The following ARHGAP24 variants were observed in gnomAD, a reference collection of about 807,000 sequenced individuals.
The protein encoded by ARHGAP24 is rho GTPase-activating protein 24.
In ARHGAP24, 50 loss-of-function variants were observed where a neutral mutation model predicts 76.4. That is an observed-to-expected ratio of 0.65 (90% CI 0.52 to 0.83). The LOEUF is 0.83. Among genes scored for constraint, ARHGAP24 ranks in the 40% least tolerant of loss-of-function variants. The pLI, the probability that ARHGAP24 is intolerant of heterozygous loss-of-function variation, is 0.00. For missense variants in ARHGAP24, 930 were observed against 914.2 expected, an observed-to-expected ratio of 1.02 and a Z score of -0.22; for synonymous variants, 345 against 323.3, an observed-to-expected ratio of 1.07 and a Z score of -0.72.
At chr4:85,839,623 G>T (rs907467204) in intron 3 of ARHGAP24, among the ~76,000 whole-genome samples, 6 of 150,458 alleles carry the variant, frequency 4.0e-5, no homozygotes, top group Admixed American at 3.3e-4. Flanking sequence ...GCCAGTTTTT[G>T]TATTTTTAGT....
At chr4:85,827,519 TA>T (rs2110131089) in intron 3 of ARHGAP24, among the ~76,000 whole-genome samples, 1 of 124,838 alleles carries the variant, frequency 8.0e-6, no homozygotes, top group East Asian at 2.3e-4. Context: ...TGTGTGTGTT[TA>T]GAGAGAGAGA....
At chr4:85,584,264 A>T (rs1344927031) in intron 2 of ARHGAP24, among the ~76,000 whole-genome samples, 1 of 152,206 alleles carries the variant, frequency 6.6e-6, no homozygotes, top group Non-Finnish European at 1.5e-5. Context: ...TGCAGCCACA[A>T]AAAATGATGA....
chr4:85,771,345 A>C (rs1392810686), intron 3 of ARHGAP24, among the ~76,000 whole-genome samples: 1 of 152,260 alleles, frequency 6.6e-6, no homozygotes, highest in Non-Finnish European at 1.5e-5. Context: ...TGAGGGCCTG[A>C]GAACCAGTTG....
intron 4 of ARHGAP24, 59 bp from the exon 5 acceptor site, chr4:85,942,007 C>T: frequency 3.9e-6 from 6 of 1,539,748 alleles, no homozygotes; most frequent in Non-Finnish European, 5.3e-6. Context: ...AAAACAACAA[C>T]AACAACAAAG....
chr4:85,552,487 T>C (rs929170275), intron 1 of ARHGAP24, among the ~76,000 whole-genome samples: 5 of 152,206 alleles, frequency 3.3e-5, no homozygotes, highest in African/African-American at 9.6e-5. Context: ...GAGAAGAATG[T>C]ATATTCTGTT....
chr4:85,839,838 GTTTTCT>G (rs1390182301), intron 3 of ARHGAP24, among the ~76,000 whole-genome samples: 2,185 of 78,688 alleles, frequency 0.028, 48 homozygotes, highest in African/African-American at 0.081. Context: ...TCTTTTTTCT[GTTTTCT>G]TTTTTTTTTT....
chr4:85,653,443 C>T (rs1722020415), intron 2 of ARHGAP24, among the ~76,000 whole-genome samples: 1 of 151,664 alleles, frequency 6.6e-6, no homozygotes, highest in Admixed American at 6.6e-5. Context: ...ATATCATTTA[C>T]CAAATGTGAT....
chr4:85,959,247 G>A (rs1328461386), intron 5 of ARHGAP24, among the ~76,000 whole-genome samples: 1 of 152,182 alleles, frequency 6.6e-6, no homozygotes, highest in Non-Finnish European at 1.5e-5. Context: ...CTGTCATGGC[G>A]CTGGTGGGAG....
At chr4:85,997,441 A>G (rs994959921) in intron 9 of ARHGAP24, among the ~76,000 whole-genome samples, 8 of 151,832 alleles carry the variant, frequency 5.3e-5, no homozygotes, top group Non-Finnish European at 1.2e-4. Context: ...AATTATCAAT[A>G]AGATATATGT....
At chr4:85,574,221 TAAA>T (rs1727268521) in intron 2 of ARHGAP24, among the ~76,000 whole-genome samples, 2 of 152,194 alleles carry the variant, frequency 1.3e-5, no homozygotes. Context: ...TTTTACTCAA[TAAA>T]AAGAGTCAAA....
rs1728333680 is a variant in ARHGAP24, at chr4:85,796,218, A to T, written c.268+74246A>T. Among the ~76,000 whole-genome samples the T allele has an allele frequency of 2.0e-5, 3 of 150,592 alleles. No individual in the cohort carries two copies. The South Asian group carries it at 6.3e-4, about 31-fold the overall frequency. The stretch of plus-strand genomic sequence containing the variant: ...TTATACCTACTACACACACACACAC[A>T]CTCACACACACATATATACAATTTA... On this transcript the variant is annotated intron_variant, in intron 3 of 9. Coordinates refer to ENST00000395184, the MANE Select transcript of ARHGAP24 (RefSeq NM_001025616.3).
intron 9 of ARHGAP24, among the ~76,000 whole-genome samples, chr4:85,996,570 G>T (rs993827593): frequency 1.3e-5 from 2 of 152,068 alleles, no homozygotes; most frequent in African/African-American, 4.8e-5. Flanking sequence ...CAGACAAAAA[G>T]ATAACGTACT....
intron 2 of ARHGAP24, among the ~76,000 whole-genome samples, chr4:85,673,621 A>G (rs1202469130): frequency 6.7e-6 from 1 of 149,780 alleles, no homozygotes. Flanking sequence ...GAGCTTGGAG[A>G]TCATTCTAAT....
intron 2 of ARHGAP24, among the ~76,000 whole-genome samples, chr4:85,674,445 T>C (rs778894412): frequency 3.9e-5 from 6 of 152,216 alleles, no homozygotes; most frequent in Non-Finnish European, 7.3e-5. Flanking sequence ...TAATACAAAA[T>C]CTTTTTGATA....
intron 3 of ARHGAP24, among the ~76,000 whole-genome samples, chr4:85,922,965 C>T (rs1287584844): frequency 6.6e-6 from 1 of 152,138 alleles, no homozygotes; most frequent in East Asian, 1.9e-4. Flanking sequence ...AGAGGCACTG[C>T]GGGGGTTTCC....
intron 3 of ARHGAP24, among the ~76,000 whole-genome samples, chr4:85,769,290 C>T (rs554717042): frequency 1.3e-5 from 2 of 152,216 alleles, no homozygotes; most frequent in African/African-American, 4.8e-5. Flanking sequence ...GTCATTTTGC[C>T]AAGCATCTTG....
At chr4:85,962,831 G>A (rs975757394) in intron 5 of ARHGAP24, among the ~76,000 whole-genome samples, 6 of 151,530 alleles carry the variant, frequency 4.0e-5, no homozygotes, top group African/African-American at 1.5e-4. Flanking sequence ...CAGATACTCT[G>A]TGGGACCTCA....
chr4:85,803,755 G>A (rs1157747593), intron 3 of ARHGAP24, among the ~76,000 whole-genome samples: 1 of 152,056 alleles, frequency 6.6e-6, no homozygotes, highest in Non-Finnish European at 1.5e-5. Flanking sequence ...CCCCATTGTG[G>A]GATTTACAGA....
chr4:85,880,350 GTCTGTGTAACCA>G (rs1733175293), intron 3 of ARHGAP24, among the ~76,000 whole-genome samples: 1 of 152,136 alleles, frequency 6.6e-6, no homozygotes, highest in African/African-American at 2.4e-5. Flanking sequence ...ATATTCCTGA[GTCTGTGTAACCA>G]TCCCTTACTT....
Sources: allele counts gnomAD v4.1 joint callset (sites outside exome capture counted in the v4.1 genomes callset), GRCh38; gene constraint gnomAD v4.1.1; transcripts MANE v1.5; gene names NCBI Gene and HGNC (gene_info 2026-07-23, HGNC 2026-07-21).